The following FRMPD4 variants were observed in gnomAD, a reference collection of about 807,000 sequenced individuals.
FRMPD4 encodes the protein FERM and PDZ domain containing 4.
A neutral mutation model predicts 94.1 loss-of-function variants in FRMPD4; 22 were observed. The ratio of observed to expected loss-of-function variants is 0.23; its 90% confidence interval spans 0.17 to 0.33. FRMPD4 has a LOEUF of 0.33. FRMPD4 is among the 10% of genes least tolerant of loss of function. The pLI is 1.00. For synonymous variants in FRMPD4, 631 were observed against 548.6 expected (o/e 1.15, Z -2.10); for missense variants, 1,111 against 1,339.9 (o/e 0.83, Z 2.67).
intron 2 of FRMPD4, among the ~76,000 whole-genome samples, chrX:12,581,371 T>C (rs1440351555): frequency 9.0e-6 from 1 of 111,638 alleles, no homozygotes; most frequent in Non-Finnish European, 1.9e-5. Context: ...CTAAAATATA[T>C]GTGTAATAAA....
chrX:12,575,407 TAACATTCTTAGAATCA>T (rs1421271552), intron 2 of FRMPD4, among the ~76,000 whole-genome samples: 2 of 109,531 alleles, frequency 1.8e-5, no homozygotes, highest in Non-Finnish European at 3.8e-5. Context: ...TGGATGATGC[TAACATTCTTAGAATCA>T]AGCCAAGTTA....
At chrX:12,337,613 A>AG (rs1176936749) in intron 1 of FRMPD4, among the ~76,000 whole-genome samples, 1 of 111,941 alleles carries the variant, frequency 8.9e-6, no homozygotes, top group East Asian at 2.8e-4. Flanking sequence ...ATGACTGCAG[A>AG]GGTGCTTTGC....
chrX:12,221,173 A>T (rs951721396), intron 1 of FRMPD4, among the ~76,000 whole-genome samples: 1 of 112,287 alleles, frequency 8.9e-6, no homozygotes, highest in African/African-American at 3.2e-5. Flanking sequence ...TTTACTTATT[A>T]AACACTTCTC....
In FRMPD4 at chrX:12,171,588, A is replaced by T. The variant is rs768012226; in HGVS notation, c.41+32576A>T. ...CAACTTGGCAAGATACTGGAGATAAAAGCCAGAGTTGTAGTGGTTACAGAT... is the reference window on the plus strand; with the variant it reads ...CAACTTGGCAAGATACTGGAGATAATAGCCAGAGTTGTAGTGGTTACAGAT... On this transcript the variant is annotated intron_variant, in intron 1 of 16. Coordinates refer to ENST00000675598, the MANE Select transcript of FRMPD4 (RefSeq NM_001368397.1). Among the ~76,000 whole-genome samples, 3 of 111,390 alleles carry T rather than the reference A, an allele frequency of 2.7e-5. No homozygotes were observed. The East Asian group carries it at 8.5e-4, about 32-fold the overall frequency.
intron 1 of FRMPD4, among the ~76,000 whole-genome samples, chrX:12,161,569 A>AT (rs2056026742): frequency 8.9e-6 from 1 of 111,849 alleles, no homozygotes; most frequent in African/African-American, 3.3e-5. Flanking sequence ...GAGGTAGAGG[A>AT]CACTGAGGGT....
chrX:12,560,742 C>CTTTTTT lies in FRMPD4; in HGVS notation c.159-48939_159-48934dup, dbSNP rs749269384. Among the ~76,000 whole-genome samples, 24 of 43,445 alleles carry CTTTTTT rather than the reference C, an allele frequency of 5.5e-4. 3 individuals are homozygous for CTTTTTT. The highest frequency in any genetic ancestry group is 1.7e-3 in the South Asian group (1 of 582). 37.7% of individuals were successfully genotyped at this position (43,445 alleles called of 115,157 possible). On this transcript the variant is annotated intron_variant, in intron 2 of 16. Coordinates refer to ENST00000675598, the MANE Select transcript of FRMPD4 (RefSeq NM_001368397.1). ...CCCTAGTGTATGCACCTCCCCTCAT[C>CTTTTTT]TTTTTTTTTTTTTTTTTTTTTTTTT...
intron 1 of FRMPD4, among the ~76,000 whole-genome samples, chrX:12,302,041 A>G (rs1307899295): frequency 1.8e-5 from 2 of 112,162 alleles, no homozygotes; most frequent in Non-Finnish European, 3.8e-5. Flanking sequence ...AAGCAGCTGG[A>G]AAGAAGGAAA....
chrX:12,270,900 A>T (rs1174550960), intron 1 of FRMPD4, among the ~76,000 whole-genome samples: 1 of 111,970 alleles, frequency 8.9e-6, no homozygotes, highest in Non-Finnish European at 1.9e-5. Flanking sequence ...AGGCTGAGTT[A>T]TTCAGAGAAG....
At chrX:11,964,153 T>TG (rs751675678) in intron 3 of FRMPD4, among the ~76,000 whole-genome samples, 39 of 106,661 alleles carry the variant, frequency 3.7e-4, no homozygotes, top group South Asian at 1.2e-3. Context: ...CAGTGCTTTT[T>TG]TTGTTGTTGT....
chrX:12,159,185 A>T (rs183707235), intron 1 of FRMPD4, among the ~76,000 whole-genome samples: 2 of 112,168 alleles, frequency 1.8e-5, no homozygotes, highest in East Asian at 2.8e-4. Context: ...TGGCACAGGG[A>T]CCTAAATTTA....
intron 1 of FRMPD4, among the ~76,000 whole-genome samples, chrX:12,465,875 GGAAGTATA>G (rs1342015960): frequency 8.9e-6 from 1 of 111,807 alleles, no homozygotes; most frequent in Non-Finnish European, 1.9e-5. Flanking sequence ...ACATCTATTT[GGAAGTATA>G]GAAAGGGTAG....
intron 1 of FRMPD4, among the ~76,000 whole-genome samples, chrX:12,474,303 T>G (rs781516121): frequency 9.1e-6 from 1 of 109,408 alleles, no homozygotes; most frequent in South Asian, 4.1e-4. Flanking sequence ...TGGGACACAT[T>G]TAAAGCAGTG....
intron 3 of FRMPD4, among the ~76,000 whole-genome samples, chrX:12,053,416 A>AAGAAAGAAAGAAAGAAAG (rs2054834417): frequency 3.0e-5 from 3 of 99,030 alleles, no homozygotes; most frequent in African/African-American, 1.1e-4. Flanking sequence ...GAAAGAAAGA[A>AAGAAAGAAAGAAAGAAAG]AGAAAGAAAG....
At chrX:12,375,303 G>A (rs1390778429) in intron 1 of FRMPD4, among the ~76,000 whole-genome samples, 1 of 112,714 alleles carries the variant, frequency 8.9e-6, no homozygotes, top group Non-Finnish European at 1.9e-5. Context: ...TAAGTCAGAA[G>A]TATATGTCGT....
intron 4 of FRMPD4, among the ~76,000 whole-genome samples, chrX:12,630,904 C>T (rs1007955394): frequency 1.5e-4 from 17 of 111,555 alleles, no homozygotes; most frequent in African/African-American, 4.6e-4. Flanking sequence ...ACATAAAGTC[C>T]GTAATGGGTC....
chrX:12,394,630 C>T (rs1305053548), intron 1 of FRMPD4, among the ~76,000 whole-genome samples: 1 of 111,410 alleles, frequency 9.0e-6, no homozygotes, highest in Non-Finnish European at 1.9e-5. Context: ...TTCTTTCCTC[C>T]TTTTCTCCCT....
At chrX:11,955,287 G>T (rs191171168) in intron 3 of FRMPD4, among the ~76,000 whole-genome samples, 182 of 110,302 alleles carry the variant, frequency 1.7e-3, no homozygotes, top group African/African-American at 5.8e-3. Context: ...GTGGGTGCGT[G>T]GGGGGACACA....
At chrX:12,224,278 TCACA>T (rs1393806276) in intron 1 of FRMPD4, among the ~76,000 whole-genome samples, 1 of 111,609 alleles carries the variant, frequency 9.0e-6, no homozygotes, top group Non-Finnish European at 1.9e-5. Context: ...AGACAAGGTC[TCACA>T]CTGTTGCCCA....
chrX:12,626,061 C>G (rs1279743631), intron 4 of FRMPD4, among the ~76,000 whole-genome samples: 1 of 111,766 alleles, frequency 8.9e-6, no homozygotes, highest in African/African-American at 3.3e-5. Context: ...CATGGTGACT[C>G]ACACCTGTAA....
Sources: gnomAD v4.1 joint callset for allele counts (sites outside exome capture counted in the v4.1 genomes callset) on GRCh38, gnomAD v4.1.1 for gene constraint, MANE v1.5 for transcripts, NCBI Gene and HGNC (gene_info 2026-07-23, HGNC 2026-07-21) for gene names.